Variants in HIGD1C observed in about 807,000 individuals in gnomAD.
HIGD1C encodes the protein HIG1 domain family member 1C.
Under a neutral mutation model 13.1 loss-of-function variants are expected in HIGD1C, and 11 were observed. The ratio of observed to expected loss-of-function variants is 0.84; its 90% CI spans 0.53 to 1.39. The LOEUF (loss-of-function observed/expected upper bound fraction) is 1.39. HIGD1C is among the 40% of genes most tolerant of loss of function. The pLI, the probability that HIGD1C is intolerant of heterozygous loss-of-function variation, is 0.00. For synonymous variants in HIGD1C, 36 were observed against 37.7 expected (o/e 0.95, Z 0.17); for missense variants, 110 against 112.0 (o/e 0.98, Z 0.08).
intron 2 of HIGD1C, among the ~76,000 whole-genome samples, chr12:50,966,773 A>G (rs933293810): frequency 2.0e-5 from 3 of 151,852 alleles, no homozygotes; most frequent in Admixed American, 6.6e-5. Flanking sequence ...ACATCTTCCC[A>G]ATTTTCAGTG....
upstream of HIGD1C, among the ~76,000 whole-genome samples, chr12:50,953,401 C>G (rs1938970928): frequency 6.6e-6 from 1 of 152,220 alleles, no homozygotes; most frequent in Non-Finnish European, 1.5e-5. Context: ...ATTATAGTTG[C>G]TTTTGCAAGT....
At chr12:50,950,670 ATTTT>A (rs57553489), upstream of HIGD1C, among the ~76,000 whole-genome samples, 11,904 of 87,428 alleles carry the variant, frequency 0.14, 702 homozygotes, top group East Asian at 0.34. Flanking sequence ...TGCCCAGCTA[ATTTT>A]TTTTTTTTTT....
At chr12:50,957,359 T>C (rs944824338) in intron 1 of HIGD1C, among the ~76,000 whole-genome samples, 1 of 151,658 alleles carries the variant, frequency 6.6e-6, no homozygotes, top group Non-Finnish European at 1.5e-5. Flanking sequence ...CCACCACACC[T>C]GGCTAATTTT....
the HIGD1C span, among the ~76,000 whole-genome samples, chr12:50,936,411 G>T: frequency 6.6e-6 from 1 of 152,098 alleles, no homozygotes; most frequent in East Asian, 1.9e-4. Flanking sequence ...CACTCAGCTG[G>T]CATTAACTTT....
upstream of HIGD1C, among the ~76,000 whole-genome samples, chr12:50,950,378 A>G (rs1350598122): frequency 2.0e-5 from 3 of 152,220 alleles, no homozygotes; most frequent in Admixed American, 2.0e-4. Flanking sequence ...AAAATAAAAT[A>G]AAATAAAAAT....
upstream of HIGD1C, among the ~76,000 whole-genome samples, chr12:50,950,243 C>T (rs1219153630): frequency 1.3e-5 from 2 of 152,126 alleles, no homozygotes; most frequent in African/African-American, 4.8e-5. Flanking sequence ...ACATGTGCTG[C>T]TGGGAGAAAC....
intron 1 of HIGD1C, among the ~76,000 whole-genome samples, chr12:50,958,513 C>A (rs1386129276): frequency 2.7e-5 from 4 of 150,300 alleles, no homozygotes; most frequent in Admixed American, 2.0e-4. Flanking sequence ...CATCTCCTGA[C>A]CTCGTGATCC....
At chr12:50,954,420 C>A (rs200813451) in intron 1 of HIGD1C, 1 of 207,118 alleles carries the variant, frequency 4.8e-6, no homozygotes, top group East Asian at 1.1e-4. Flanking sequence ...CCATCAACAG[C>A]AGCATCAGTT....
exon 1 of HIGD1C, chr12:50,954,076 C>T (rs1359508823): frequency 3.1e-6 from 5 of 1,607,776 alleles, no homozygotes; most frequent in East Asian, 2.2e-5. Flanking sequence ...CTAGAGACTC[C>T]CCCTTTGTCC....
At chr12:50,967,005 T>TACTCGGGAGGCTGAGGTAGAATCACTTGA (rs1939564002) in intron 2 of HIGD1C, among the ~76,000 whole-genome samples, 2 of 151,888 alleles carry the variant, frequency 1.3e-5, no homozygotes, top group Admixed American at 6.6e-5. Flanking sequence ...TAATCCCTGC[T>TACTCGGGAGGCTGAGGTAGAATCACTTGA]ACTCGGGAGG....
At chr12:50,944,188 C>T in the HIGD1C span, among the ~76,000 whole-genome samples, 1 of 152,134 alleles carries the variant, frequency 6.6e-6, no homozygotes, top group African/African-American at 2.4e-5. Context: ...AGGTCTCCTC[C>T]CAGGCTCTGC....
chr12:50,953,953 G>T (rs753519310), exon 1 of HIGD1C: 1 of 1,123,848 alleles, frequency 8.9e-7, no homozygotes, highest in Non-Finnish European at 1.3e-6. Context: ...TATTTTTAAT[G>T]ATTCACGGCA....
intron 1 of HIGD1C, among the ~76,000 whole-genome samples, chr12:50,959,795 G>A (rs1939254051): frequency 6.6e-6 from 1 of 152,030 alleles, no homozygotes; most frequent in Non-Finnish European, 1.5e-5. Flanking sequence ...TTACAGGCAT[G>A]TACCACCACG....
chr12:50,951,462 A>C (rs931178380), upstream of HIGD1C, among the ~76,000 whole-genome samples: 1 of 152,204 alleles, frequency 6.6e-6, no homozygotes, highest in African/African-American at 2.4e-5. Context: ...AGGCAATTCA[A>C]CTTTCTGTGT....
At chr12:50,961,146 G>A (rs1414293781) in intron 2 of HIGD1C, 44 bp downstream of exon 4, 2 of 1,592,550 alleles carry the variant, frequency 1.3e-6, no homozygotes, top group Non-Finnish European at 1.7e-6. Context: ...GTCTTTGAGA[G>A]TACATTTATT....
chr12:50,937,341 C>T, the HIGD1C span, among the ~76,000 whole-genome samples: 2 of 152,318 alleles, frequency 1.3e-5, no homozygotes, highest in African/African-American at 4.8e-5. Flanking sequence ...ATGCCAAGAC[C>T]TGCCTCCAGC....
upstream of HIGD1C, among the ~76,000 whole-genome samples, chr12:50,950,978 C>T (rs1223597274): frequency 6.7e-6 from 1 of 150,374 alleles, no homozygotes; most frequent in Non-Finnish European, 1.5e-5. Flanking sequence ...GCCACCGCGC[C>T]CGGCCATAAG....
chr12:50,962,165 C>G (rs1939356452), intron 2 of HIGD1C, among the ~76,000 whole-genome samples: 1 of 152,056 alleles, frequency 6.6e-6, no homozygotes, highest in South Asian at 2.1e-4. Flanking sequence ...GCGGGCAGAT[C>G]AACTGAGGTA....
intron 1 of HIGD1C, among the ~76,000 whole-genome samples, chr12:50,958,570 CG>C (rs1939202320): frequency 6.6e-6 from 1 of 151,434 alleles, no homozygotes; most frequent in African/African-American, 2.4e-5. Context: ...CGTGAGCCAC[CG>C]CGCCCGGCCT....
Sources: allele counts gnomAD v4.1 joint callset (sites outside exome capture counted in the v4.1 genomes callset), GRCh38; gene constraint gnomAD v4.1.1; transcripts MANE v1.5; gene names NCBI Gene and HGNC (gene_info 2026-07-23, HGNC 2026-07-21).